PHLDB2: variants seen among roughly 807,000 people sequenced by gnomAD.
PHLDB2 encodes the protein pleckstrin homology-like domain family B member 2.
Under a neutral mutation model 123.6 loss-of-function variants are expected in PHLDB2, and 71 were observed. The observed-to-expected ratio is 0.57, with a 90% CI of 0.47 to 0.70. PHLDB2 has a LOEUF of 0.70. PHLDB2 is among the 30% of genes least tolerant of loss of function. PHLDB2 has a pLI of 0.00. For synonymous variants in PHLDB2, 547 were observed against 541.6 expected (o/e 1.01, Z -0.14); for missense variants, 1,446 against 1,519.5 (o/e 0.95, Z 0.80).
chr3:111,752,992 G>T (rs1364217572), intron 1 of PHLDB2, among the ~76,000 whole-genome samples: 1 of 151,784 alleles, frequency 6.6e-6, no homozygotes, highest in Non-Finnish European at 1.5e-5. Flanking sequence ...CATTTTTTTT[G>T]GCTGCATAGT....
At chr3:111,756,365 T>G (rs1421614510) in intron 1 of PHLDB2, among the ~76,000 whole-genome samples, 4 of 152,328 alleles carry the variant, frequency 2.6e-5, no homozygotes, top group African/African-American at 9.6e-5. Context: ...ATATTTAGGA[T>G]AGTTAGCTCT....
intron 2 of PHLDB2, among the ~76,000 whole-genome samples, chr3:111,898,978 C>G (rs2067035925): frequency 6.6e-6 from 1 of 152,196 alleles, no homozygotes; most frequent in Non-Finnish European, 1.5e-5. Context: ...TCAATACCTC[C>G]TCTTCTGAAC....
intron 2 of PHLDB2, among the ~76,000 whole-genome samples, chr3:111,906,266 C>G (rs181778717): frequency 6.6e-6 from 1 of 152,170 alleles, no homozygotes; most frequent in Non-Finnish European, 1.5e-5. Flanking sequence ...AGAACATATC[C>G]CCATTGTTAA....
At chr3:111,819,242 C>T (rs767455899) in intron 1 of PHLDB2, among the ~76,000 whole-genome samples, 2 of 151,826 alleles carry the variant, frequency 1.3e-5, no homozygotes, top group Admixed American at 6.6e-5. Context: ...AGGGCTTCCA[C>T]GTATAAATGG....
At chr3:111,920,105 C>T (rs6779756) in intron 4 of PHLDB2, among the ~76,000 whole-genome samples, 177 bp from the exon 5 acceptor site, 131,273 of 152,206 alleles carry the variant, frequency 0.86, 56,814 homozygotes, top group Middle Eastern at 0.93. Context: ...CTCTCTAGCT[C>T]GCTTATATGG....
chr3:111,931,294 C>T (rs2069134768), intron 5 of PHLDB2, among the ~76,000 whole-genome samples: 1 of 152,138 alleles, frequency 6.6e-6, no homozygotes. Flanking sequence ...TTCAATTGTT[C>T]AGAGCATCAT....
rs1329743537 is a variant in PHLDB2 at position 111,834,779 on chromosome 3, A to C, written c.-48-11042A>C. On this transcript the variant is annotated intron_variant, in intron 1 of 17. Transcript: ENST00000393923. The stretch of plus-strand genomic sequence containing the variant: ...ACTCAAACCCAGCCAATCAAAGACT[A>C]TGGAAATTTCCTTTGTAATATCATC... Among the ~76,000 whole-genome samples the C allele has an allele frequency of 2.0e-5, 3 of 152,040 alleles. No homozygotes were observed. In the East Asian group the frequency reaches 5.8e-4, roughly 29 times the overall value.
chr3:111,837,335 A>T (rs1032169028), intron 1 of PHLDB2, among the ~76,000 whole-genome samples: 1 of 152,186 alleles, frequency 6.6e-6, no homozygotes, highest in Non-Finnish European at 1.5e-5. Flanking sequence ...TTGAAGTTAC[A>T]TTCATTCCTG....
intron 2 of PHLDB2, among the ~76,000 whole-genome samples, chr3:111,898,553 C>T (rs2067009780): frequency 6.6e-6 from 1 of 152,140 alleles, no homozygotes; most frequent in East Asian, 1.9e-4. Flanking sequence ...ACAAAAGATT[C>T]CTCTGCAGCA....
chr3:111,918,157 A>T (rs1365501374), intron 3 of PHLDB2, among the ~76,000 whole-genome samples: 2 of 152,220 alleles, frequency 1.3e-5, no homozygotes, highest in Non-Finnish European at 2.9e-5. Context: ...AATTCACTCC[A>T]TTCTCTTCTT....
At chr3:111,910,454 A>G (rs966159868) in intron 2 of PHLDB2, among the ~76,000 whole-genome samples, 1 of 152,220 alleles carries the variant, frequency 6.6e-6, no homozygotes, top group African/African-American at 2.4e-5. Flanking sequence ...CTCAGAGGGC[A>G]GCCAGCCTCT....
chr3:111,840,694 G>C (rs1299196896), intron 1 of PHLDB2, among the ~76,000 whole-genome samples: 2 of 152,188 alleles, frequency 1.3e-5, no homozygotes, highest in Admixed American at 6.5e-5. Context: ...TGACCTTAGA[G>C]AAGTTATTCC....
chr3:111,777,622 T>C (rs540103847), intron 1 of PHLDB2, among the ~76,000 whole-genome samples: 52 of 152,276 alleles, frequency 3.4e-4, no homozygotes, highest in Admixed American at 3.0e-3. Context: ...ATGTGATTTC[T>C]TTCTGTTATG....
rs1276814819 is a variant in PHLDB2, at chr3:111,878,784, GCCTTTTCTGCA to G, written c.-14-5276_-14-5266del. 2.6e-5 allele frequency among the ~76,000 whole-genome samples: 4 copies of G among 152,226 alleles called. No homozygotes were observed. The East Asian group carries it at 7.7e-4, about 29-fold the overall frequency. Reference sequence around the variant, plus strand: ...GAAGGGCTGTTGAATTTTGTCAAAGGCCTTTTCTGCACCTATTGAGACAATCATGTGGTTTT... The same window carrying G: ...GAAGGGCTGTTGAATTTTGTCAAAGGCCTATTGAGACAATCATGTGGTTTT... On this transcript the variant is annotated intron_variant, in intron 1 of 17. Transcript: ENST00000431670.
At chr3:111,750,577 G>A (rs945442384) in intron 1 of PHLDB2, among the ~76,000 whole-genome samples, 5 of 152,172 alleles carry the variant, frequency 3.3e-5, no homozygotes, top group African/African-American at 9.6e-5. Context: ...GAAGTAATCT[G>A]AGAGATCATC....
intron 1 of PHLDB2, among the ~76,000 whole-genome samples, chr3:111,864,820 C>A (rs561775271): frequency 6.6e-6 from 1 of 152,138 alleles, no homozygotes; most frequent in Non-Finnish European, 1.5e-5. Context: ...ATTGTGTATG[C>A]CACTGTTTAT....
intron 5 of PHLDB2, among the ~76,000 whole-genome samples, chr3:111,921,618 T>TG (rs958199418): frequency 6.6e-6 from 1 of 150,976 alleles, no homozygotes; most frequent in Admixed American, 6.6e-5. Context: ...TTTTTTTTTT[T>TG]TTTGAAACGG....
intron 10 of PHLDB2, among the ~76,000 whole-genome samples, chr3:111,951,382 G>A (rs2070707332): frequency 6.6e-6 from 1 of 152,046 alleles, no homozygotes; most frequent in South Asian, 2.1e-4. Context: ...ATCATACCTG[G>A]CACATAGCTC....
intron 1 of PHLDB2, among the ~76,000 whole-genome samples, chr3:111,789,857 A>G: frequency 6.6e-6 from 1 of 152,182 alleles, no homozygotes; most frequent in East Asian, 1.9e-4. Flanking sequence ...ACTGAGCAAT[A>G]CAAAACTGAG....
Sources: gnomAD v4.1 joint callset for allele counts (sites outside exome capture counted in the v4.1 genomes callset) on GRCh38, gnomAD v4.1.1 for gene constraint, MANE v1.5 for transcripts, NCBI Gene and HGNC (gene_info 2026-07-23, HGNC 2026-07-21) for gene names.